Variants in BCAS3 observed in about 807,000 individuals in gnomAD.
The protein encoded by BCAS3 is BCAS3 microtubule associated cell migration factor.
A neutral mutation model predicts 116.1 loss-of-function variants in BCAS3; 53 were observed. The ratio of observed to expected loss-of-function variants is 0.46; its 90% CI spans 0.37 to 0.57. The LOEUF (loss-of-function observed/expected upper bound fraction) is 0.57, where lower values mean the gene tolerates loss of function less well. Ranked by LOEUF, BCAS3 falls within the 20% of genes least tolerant of loss-of-function variation. The pLI, the probability that BCAS3 is intolerant of heterozygous loss-of-function variation, is 0.00. For missense variants in BCAS3, 917 were observed against 1,165.4 expected, an observed-to-expected ratio of 0.79 and a Z score of 3.10; for synonymous variants, 391 against 408.2, an observed-to-expected ratio of 0.96 and a Z score of 0.51.
intron 7 of BCAS3, among the ~76,000 whole-genome samples, chr17:60,859,043 A>G (rs2053926220): frequency 6.6e-6 from 1 of 151,798 alleles, no homozygotes; most frequent in African/African-American, 2.4e-5. Flanking sequence ...TTTAGAGCTA[A>G]TGTAAGCTTA....
At chr17:61,107,454 C>A (rs771753068) in intron 22 of BCAS3, among the ~76,000 whole-genome samples, 1 of 152,122 alleles carries the variant, frequency 6.6e-6, no homozygotes, top group African/African-American at 2.4e-5. Context: ...CAAACCGTTC[C>A]GTCACCACAA....
chr17:60,696,247 T>C (rs1031101964), intron 4 of BCAS3: 6 of 152,218 alleles, frequency 3.9e-5, no homozygotes, highest in Admixed American at 3.3e-4. Flanking sequence ...ATAAGATTAG[T>C]TACCAGAATA....
At chr17:60,909,398 T>A (rs1445999689) in intron 11 of BCAS3, among the ~76,000 whole-genome samples, 1 of 152,170 alleles carries the variant, frequency 6.6e-6, no homozygotes, top group East Asian at 1.9e-4. Flanking sequence ...TGTGCCAGAA[T>A]TAGGTAAGGA....
At chr17:61,195,310 A>G (rs2080411253) in intron 22 of BCAS3, among the ~76,000 whole-genome samples, 1 of 152,172 alleles carries the variant, frequency 6.6e-6, no homozygotes, top group African/African-American at 2.4e-5. Flanking sequence ...TGGGATATTT[A>G]TACTCTTTCC....
chr17:60,950,670 G>A (rs1221572574), intron 14 of BCAS3, among the ~76,000 whole-genome samples: 1 of 152,192 alleles, frequency 6.6e-6, no homozygotes, highest in Non-Finnish European at 1.5e-5. Flanking sequence ...GGTGAACAGA[G>A]ATGATATCTC....
At position 61,239,667 on chromosome 17, in the gene BCAS3, A is replaced by C. The variant is rs558168187; in HGVS notation, c.2426-128660A>C. Among the ~76,000 whole-genome samples, 3 of 152,366 alleles carry C rather than the reference A, an allele frequency of 2.0e-5. No homozygotes were observed. Among genetic ancestry groups the C allele is most frequent in the East Asian group, 3.9e-4 (2 of 5,190 alleles). On this transcript the variant is annotated intron_variant, in intron 22 of 23. Coordinates refer to ENST00000407086, the MANE Select transcript of BCAS3 (RefSeq NM_017679.5). The surrounding 1 kb of genome is among the most constrained non-coding windows in gnomAD (Gnocchi z 4.2). ...CTGTTAAGATCTAGATCATGCTAAA[A>C]GTATTAAAGTTGGCTTTCAGAGATT... is the stretch of plus-strand genomic sequence containing the variant.
intron 6 of BCAS3, among the ~76,000 whole-genome samples, chr17:60,749,246 G>C (rs2042247787): frequency 6.6e-6 from 1 of 152,190 alleles, no homozygotes; most frequent in South Asian, 2.1e-4. Context: ...TGTTTGGCTG[G>C]ATAACAAATA....
At chr17:60,679,417 TTC>T (rs2032626031) in intron 1 of BCAS3, 34 bp from the exon 2 acceptor site, 1 of 1,500,824 alleles carries the variant, frequency 6.7e-7, no homozygotes, top group Non-Finnish European at 9.3e-7. Flanking sequence ...ATCCATGTTT[TTC>T]TGTTTTTTGT....
At chr17:60,693,376 C>T (rs1287591610) in intron 4 of BCAS3, among the ~76,000 whole-genome samples, 1 of 151,792 alleles carries the variant, frequency 6.6e-6, no homozygotes, top group African/African-American at 2.4e-5. Flanking sequence ...GAAATTCTTA[C>T]TATCCCCTAA....
chr17:61,369,912 A>G (rs1055916072), intron 23 of BCAS3, among the ~76,000 whole-genome samples: 9 of 152,220 alleles, frequency 5.9e-5, no homozygotes, highest in African/African-American at 2.2e-4. Context: ...CTCGGCTCAC[A>G]TAAACCGGAG....
At position 61,029,510 on chromosome 17, in the gene BCAS3, A is replaced by G. The variant is rs148706916; in HGVS notation, c.1638-5156A>G. ...ATAACATACTTTTTTAAACATAGGA[A>G]TTTAAGATAAATAATCCCAGTGTGA... On this transcript the variant is annotated intron_variant, in intron 16 of 23. Coordinates refer to ENST00000407086, the MANE Select transcript of BCAS3 (RefSeq NM_017679.5). This position sits in a 1 kb window ranked among gnomAD's most constrained non-coding sequence, Gnocchi z 5.2. 1.3e-5 allele frequency among the ~76,000 whole-genome samples: 2 copies of G among 152,120 alleles called. No individual in the cohort carries two copies. Among genetic ancestry groups the G allele is most frequent in the Non-Finnish European group, 2.9e-5 (2 of 67,886 alleles).
chr17:60,905,650 G>A (rs565374064), intron 11 of BCAS3, among the ~76,000 whole-genome samples: 17 of 152,246 alleles, frequency 1.1e-4, no homozygotes, highest in South Asian at 8.3e-4. Flanking sequence ...GGTAATACCC[G>A]AAGTTTGTTG....
intron 19 of BCAS3, among the ~76,000 whole-genome samples, chr17:61,060,023 G>T (rs1304895002): frequency 2.0e-5 from 3 of 151,974 alleles, no homozygotes; most frequent in Non-Finnish European, 4.4e-5. Context: ...GAGGAAGGAA[G>T]AAAATGCAGG....
At chr17:60,929,662 G>A (rs1170909709) in intron 13 of BCAS3, among the ~76,000 whole-genome samples, 1 of 150,388 alleles carries the variant, frequency 6.6e-6, no homozygotes, top group African/African-American at 2.4e-5. Flanking sequence ...CTGGTGTGCT[G>A]CACCCATTAA....
intron 22 of BCAS3, among the ~76,000 whole-genome samples, chr17:61,345,254 G>A (rs919646065): frequency 6.6e-5 from 10 of 152,232 alleles, no homozygotes; most frequent in Non-Finnish European, 1.0e-4. Context: ...CTCCGCTTCC[G>A]CTATGCCTGA....
chr17:60,765,329 C>T lies in BCAS3; in HGVS notation c.403+18050C>T, dbSNP rs1001232507. Among the ~76,000 whole-genome samples, 5 of 152,174 alleles carry T rather than the reference C, an allele frequency of 3.3e-5. No homozygotes were observed. In the East Asian group the frequency reaches 5.8e-4, roughly 18 times the overall value. The stretch of plus-strand genomic sequence containing the variant: ...GGCATCTTTTTGCAGTGGCTGGTAC[C>T]GGTTGTTCCTTTCTATGTTTAGTGA... On this transcript the variant is annotated intron_variant, in intron 6 of 23. Coordinates refer to ENST00000407086, the MANE Select transcript of BCAS3 (RefSeq NM_017679.5).
At chr17:60,739,484 G>C (rs1474596402) in intron 5 of BCAS3, among the ~76,000 whole-genome samples, 1 of 152,122 alleles carries the variant, frequency 6.6e-6, no homozygotes, top group Non-Finnish European at 1.5e-5. Context: ...GCCAGGTGTA[G>C]GGGCAGGCAC....
At chr17:61,254,045 G>C (rs973509871) in intron 22 of BCAS3, among the ~76,000 whole-genome samples, 2 of 152,072 alleles carry the variant, frequency 1.3e-5, no homozygotes, top group African/African-American at 4.8e-5. Context: ...GGCCCACTGG[G>C]ACCCTACTTA....
intron 7 of BCAS3, among the ~76,000 whole-genome samples, chr17:60,862,110 C>T (rs992456584): frequency 2.0e-5 from 3 of 151,982 alleles, no homozygotes; most frequent in East Asian, 1.9e-4. Flanking sequence ...GGTGAAACCT[C>T]GTCTCTACTA....
Sources: gnomAD v4.1 joint callset for allele counts (sites outside exome capture counted in the v4.1 genomes callset) on GRCh38, gnomAD v4.1.1 for gene constraint, Gnocchi (gnomAD v3.1) non-coding constraint, MANE v1.5 for transcripts, NCBI Gene and HGNC (gene_info 2026-07-23, HGNC 2026-07-21) for gene names.